Variants in MRPL54 observed in about 807,000 individuals in gnomAD.
MRPL54 encodes mitochondrial ribosomal protein L54, also known as large ribosomal subunit protein mL54.
Under a neutral mutation model 15.6 loss-of-function variants are expected in MRPL54, and 12 were observed. The ratio of observed to expected loss-of-function variants is 0.77; its 90% CI spans 0.49 to 1.24. The LOEUF (loss-of-function observed/expected upper bound fraction) is 1.24. Among genes scored for constraint, MRPL54 ranks in the 50% most tolerant of loss-of-function variants. The pLI is 0.00. For missense variants in MRPL54, 178 were observed against 186.8 expected (o/e 0.95, Z 0.28); for synonymous variants, 91 against 75.7 (o/e 1.20, Z -1.05).
intron 1 of MRPL54, 37 bp from the exon 2 acceptor site, chr19:3,765,129 G>A: frequency 6.3e-7 from 1 of 1,580,384 alleles, no homozygotes; most frequent in Admixed American, 1.8e-5. Flanking sequence ...CCAGAGGAGG[G>A]GCTGGGCTGA....
At position 3,762,690 on chromosome 19, in the gene MRPL54, C is replaced by G. The variant is rs201594476; in HGVS notation, c.-11C>G. 2.0e-4 allele frequency: 326 copies of G among 1,610,294 alleles called. 5 individuals are homozygous for G. In the South Asian group the frequency reaches 2.1e-3, roughly 11 times the overall value. ...CGGAAACGTGCACTTGCAAGCTGCCCGCAATACGTCATGGCGACCAAACGC... is the reference window on the plus strand; with the variant it reads ...CGGAAACGTGCACTTGCAAGCTGCCGGCAATACGTCATGGCGACCAAACGC... On this transcript the variant is annotated 5_prime_UTR_variant, in exon 1 of 3. Coordinates refer to ENST00000330133, the MANE Select transcript of MRPL54 (RefSeq NM_172251.3).
intron 1 of MRPL54, among the ~76,000 whole-genome samples, chr19:3,763,474 C>A (rs1388445428): frequency 6.6e-6 from 1 of 152,104 alleles, no homozygotes; most frequent in African/African-American, 2.4e-5. Flanking sequence ...TGTCCAAATC[C>A]CACTTAAAGT....
intron 2 of MRPL54, among the ~76,000 whole-genome samples, chr19:3,766,854 C>G (rs1235313238): frequency 6.6e-6 from 1 of 152,176 alleles, no homozygotes; most frequent in Admixed American, 6.5e-5. Context: ...GCGGGGAGGC[C>G]TGTGTGGCTG....
At chr19:3,764,016 C>A (rs982207668) in intron 1 of MRPL54, among the ~76,000 whole-genome samples, 6 of 152,242 alleles carry the variant, frequency 3.9e-5, no homozygotes, top group Admixed American at 3.3e-4. Context: ...TCACTTGAGC[C>A]TGGGAGTTTG....
At chr19:3,765,689 G>A (rs1179011688) in intron 2 of MRPL54, among the ~76,000 whole-genome samples, 2 of 152,190 alleles carry the variant, frequency 1.3e-5, no homozygotes, top group Non-Finnish European at 2.9e-5. Context: ...CCTGAGGTCA[G>A]GAGTTCGAGA....
chr19:3,762,926 G>C, intron 1 of MRPL54, 108 bp downstream of exon 1: 1 of 977,646 alleles, frequency 1.0e-6, no homozygotes, highest in Non-Finnish European at 1.5e-6. Context: ...CGCAAGCGCA[G>C]AGAGGCGGAT....
chr19:3,763,822 G>A (rs934482601), intron 1 of MRPL54, among the ~76,000 whole-genome samples: 1 of 151,918 alleles, frequency 6.6e-6, no homozygotes, highest in Non-Finnish European at 1.5e-5. Flanking sequence ...TGAGGCAGGA[G>A]AACTGCTTGA....
In MRPL54 at chr19:3,767,435, G is replaced by T. The variant is rs370894833; in HGVS notation, c.*42G>T. On this transcript the variant is annotated 3_prime_UTR_variant, in exon 3 of 3. Coordinates refer to ENST00000330133, the MANE Select transcript of MRPL54 (RefSeq NM_172251.3). ...TCGCTGACCCCCACGCCGAGGGCTT[G>T]CCGTTTTCCCGGAGGACGTGGACTT... is the stretch of plus-strand genomic sequence containing the variant. 1.9e-6 allele frequency: 3 copies of T among 1,594,110 alleles called. No homozygotes were observed. In the Admixed American group the frequency reaches 5.6e-5, roughly 30 times the overall value.
intron 2 of MRPL54, among the ~76,000 whole-genome samples, chr19:3,765,897 CA>C (rs751187954): frequency 0.3 from 38,784 of 129,014 alleles, 6,134 homozygotes; most frequent in African/African-American, 0.41. Flanking sequence ...GACTTGGTCT[CA>C]AAAAAAAAAA....
At chr19:3,764,214 C>T (rs555791579) in intron 1 of MRPL54, among the ~76,000 whole-genome samples, 5 of 151,888 alleles carry the variant, frequency 3.3e-5, no homozygotes, top group African/African-American at 1.2e-4. Context: ...TCCCAAGTAG[C>T]TGGGACCACA....
intron 1 of MRPL54, 73 bp downstream of exon 1, chr19:3,762,891 T>G: frequency 7.9e-7 from 1 of 1,262,562 alleles, no homozygotes; most frequent in African/African-American, 1.5e-5. Context: ...AGGCGGTGGT[T>G]GGGGAGGTGG....
intron 2 of MRPL54, among the ~76,000 whole-genome samples, 184 bp from the exon 3 acceptor site, chr19:3,767,077 G>C (rs1365496741): frequency 6.6e-6 from 1 of 152,164 alleles, no homozygotes; most frequent in Non-Finnish European, 1.5e-5. Context: ...GATGGGGTTG[G>C]CTCCATTGCT....
At position 3,767,328 on chromosome 19, in the gene MRPL54, T is replaced by C. The variant is rs1467721002; in HGVS notation, c.352T>C (p.Trp118Arg). Residue 118 changes from tryptophan to arginine, a missense_variant, in exon 3 of 3, where the codon TGG becomes CGG. Transcript: ENST00000330133. The stretch of plus-strand genomic sequence containing the variant: ...GCTGGACCCCGAGAGCCGGGAGTAC[T>C]GGCGGCGGCTGCGGAAACAGAACAT... ...EELDPESREY[W>R]RRLRKQNIWR... is the part of the protein sequence containing the mutation. The C allele has an allele frequency of 6.2e-7, 1 of 1,609,684 alleles. No individual in the cohort carries two copies. The highest frequency in any genetic ancestry group is 1.7e-5 in the Admixed American group (1 of 59,160).
chr19:3,765,122 G>C (rs1285616457), intron 1 of MRPL54, 44 bp from the exon 2 acceptor site: 1 of 1,569,332 alleles, frequency 6.4e-7, no homozygotes, highest in Non-Finnish European at 8.7e-7. Flanking sequence ...TTGGCTTCCA[G>C]AGGAGGGGCT....
chr19:3,765,897 CAAA>C (rs751187954), intron 2 of MRPL54, among the ~76,000 whole-genome samples: 2 of 129,150 alleles, frequency 1.5e-5, no homozygotes, highest in Non-Finnish European at 1.6e-5. Context: ...GACTTGGTCT[CAAA>C]AAAAAAAAAA....
chr19:3,762,875 G>C, intron 1 of MRPL54, 57 bp downstream of exon 1: 4 of 1,355,460 alleles, frequency 3.0e-6, no homozygotes, highest in Non-Finnish European at 4.0e-6. Flanking sequence ...GGAATTGACA[G>C]TGCGCAGGCG....
chr19:3,766,060 C>T (rs573816538), intron 2 of MRPL54, among the ~76,000 whole-genome samples: 1 of 151,094 alleles, frequency 6.6e-6, no homozygotes, highest in East Asian at 2.0e-4. Flanking sequence ...TACAGGCATG[C>T]GCCACCATGC....
rs537695394 is a variant in MRPL54, at chr19:3,767,509, C to T, written c.*116C>T. On this transcript the variant is annotated 3_prime_UTR_variant, in exon 3 of 3. Transcript: ENST00000330133. Reference sequence around the variant, plus strand: ...CAGCCTGGGTTTCCATGTGACCCCACAGTGGGGCTGGACCAGGGCCCTGGA... The same window carrying T: ...CAGCCTGGGTTTCCATGTGACCCCATAGTGGGGCTGGACCAGGGCCCTGGA... The T allele has an allele frequency of 4.9e-6, 7 of 1,426,936 alleles. No individual in the cohort carries two copies. Among genetic ancestry groups the T allele is most frequent in the African/African-American group, 4.4e-5 (3 of 68,898 alleles). 88.4% of individuals were successfully genotyped at this position (1,426,936 alleles called of 1,614,324 possible). A position where few individuals can be genotyped will look rare whatever the true frequency, so the allele number is the denominator to read the frequency against.
At chr19:3,766,198 C>G (rs1436616311) in intron 2 of MRPL54, among the ~76,000 whole-genome samples, 3 of 152,008 alleles carry the variant, frequency 2.0e-5, no homozygotes, top group African/African-American at 7.3e-5. Flanking sequence ...CTGCCTCAGC[C>G]TCCCGAGTAG....
Sources: gnomAD v4.1 joint callset for allele counts (sites outside exome capture counted in the v4.1 genomes callset) on GRCh38, gnomAD v4.1.1 for gene constraint, MANE v1.5 for transcripts, NCBI Gene and HGNC (gene_info 2026-07-23, HGNC 2026-07-21) for gene names.